ACOT7: variants seen among roughly 807,000 people sequenced by gnomAD.
ACOT7 encodes acyl-CoA thioesterase 7.
Under a neutral mutation model 40.2 loss-of-function variants are expected in ACOT7, and 12 were observed. The ratio of observed to expected loss-of-function variants is 0.30; its 90% confidence interval spans 0.19 to 0.48. The LOEUF is 0.48. Among genes scored for constraint, ACOT7 ranks in the 20% least tolerant of loss-of-function variants. The pLI is 0.99. For synonymous variants in ACOT7, 228 were observed against 219.5 expected (o/e 1.04, Z -0.34); for missense variants, 395 against 530.8 (o/e 0.74, Z 2.51).
At chr1:6,324,156 C>G (rs1047498524) in intron 5 of ACOT7, among the ~76,000 whole-genome samples, 3 of 151,972 alleles carry the variant, frequency 2.0e-5, no homozygotes, top group East Asian at 1.9e-4. Flanking sequence ...ATGAGCCCAC[C>G]CCTGGGCTCC....
chr1:6,353,780 C>T (rs1233297496), intron 1 of ACOT7, among the ~76,000 whole-genome samples: 1 of 152,232 alleles, frequency 6.6e-6, no homozygotes, highest in African/African-American at 2.4e-5. Flanking sequence ...ACTGCTGAGT[C>T]TGACATGTTA....
intron 2 of ACOT7, among the ~76,000 whole-genome samples, chr1:6,347,065 C>A (rs1180979458): frequency 1.3e-5 from 2 of 152,114 alleles, no homozygotes; most frequent in African/African-American, 2.4e-5. Context: ...AGAGACAGAA[C>A]CTTGGGACTT....
intron 1 of ACOT7, among the ~76,000 whole-genome samples, chr1:6,381,160 AG>A (rs1476925497): frequency 6.6e-6 from 1 of 151,906 alleles, no homozygotes; most frequent in African/African-American, 2.4e-5. Context: ...AAACACCAAA[AG>A]CTATAGTCTT....
intron 2 of ACOT7, among the ~76,000 whole-genome samples, chr1:6,340,052 G>A (rs928776240): frequency 2.0e-5 from 3 of 151,074 alleles, no homozygotes; most frequent in African/African-American, 2.5e-5. Flanking sequence ...TGCAAGCGCC[G>A]CCTCCCAGAT....
At chr1:6,331,635 G>A (rs935223783) in intron 4 of ACOT7, among the ~76,000 whole-genome samples, 1 of 152,170 alleles carries the variant, frequency 6.6e-6, no homozygotes, top group African/African-American at 2.4e-5. Flanking sequence ...CTGAGCCCCC[G>A]CCCACTGGCC....
chr1:6,285,207 CCA>C (rs1238694188), intron 7 of ACOT7, among the ~76,000 whole-genome samples: 2 of 152,194 alleles, frequency 1.3e-5, no homozygotes, highest in Non-Finnish European at 2.9e-5. Flanking sequence ...CACCAGGTCA[CCA>C]CAGACTCAAG....
chr1:6,281,047 G>T, intron 8 of ACOT7, 55 bp downstream of exon 8: 2 of 1,577,756 alleles, frequency 1.3e-6, no homozygotes, highest in South Asian at 2.3e-5. Context: ...CCAAACACAG[G>T]GACCCTAGGG....
intron 1 of ACOT7, among the ~76,000 whole-genome samples, chr1:6,389,633 A>C (rs990617888): frequency 3.3e-5 from 5 of 151,950 alleles, no homozygotes; most frequent in African/African-American, 1.2e-4. Context: ...AATACAAAAA[A>C]ATTAGCTGGG....
At chr1:6,348,739 A>T (rs1280374174) in intron 2 of ACOT7, among the ~76,000 whole-genome samples, 2 of 152,230 alleles carry the variant, frequency 1.3e-5, no homozygotes, top group African/African-American at 4.8e-5. Flanking sequence ...TTCACAAGCC[A>T]GCAGGCTGTG....
At chr1:6,325,704 C>T (rs184022917) in intron 5 of ACOT7, among the ~76,000 whole-genome samples, 69 of 152,104 alleles carry the variant, frequency 4.5e-4, no homozygotes, top group African/African-American at 1.6e-3. Flanking sequence ...CAAGTTGACC[C>T]GCCCAGAAAA....
At position 6,306,344 on chromosome 1, in the gene ACOT7, C is replaced by G; in HGVS notation, c.713-11364G>C. On this transcript the variant is annotated intron_variant, in intron 6 of 8. Coordinates refer to ENST00000361521, the MANE Select transcript of ACOT7 (RefSeq NM_007274.4). The surrounding 1 kb of genome is among the most constrained non-coding windows in gnomAD (Gnocchi z 4.3). The stretch of plus-strand genomic sequence containing the variant: ...GATGACGTGCTGGCCACCAGGGACC[C>G]GGCTGAGAGGAGGACCCAGTGTGGG... 1.0e-6 allele frequency: 1 copy of G among 985,322 alleles called. No individual in the cohort carries two copies. The highest frequency in any genetic ancestry group is 1.2e-6 in the Non-Finnish European group (1 of 829,904). 61.0% of individuals were successfully genotyped at this position (985,322 alleles called of 1,614,324 possible).
intron 8 of ACOT7, among the ~76,000 whole-genome samples, chr1:6,273,553 G>T (rs1395636045): frequency 6.6e-6 from 1 of 152,212 alleles, no homozygotes; most frequent in Non-Finnish European, 1.5e-5. Context: ...GGGCAGGAGG[G>T]GGGCAGGGCT....
intron 8 of ACOT7, among the ~76,000 whole-genome samples, chr1:6,270,717 C>T (rs1377790728): frequency 6.6e-6 from 1 of 152,156 alleles, no homozygotes; most frequent in African/African-American, 2.4e-5. Flanking sequence ...TGAGCTCCTA[C>T]GTGTGTGTGC....
Position 6,282,940 on chromosome 1 carries a change from T to G in ACOT7, c.830-1654A>C, listed in dbSNP as rs1639397331. On this transcript the variant is annotated intron_variant, in intron 7 of 8. Transcript: ENST00000361521. The surrounding 1 kb of genome is among the most constrained non-coding windows in gnomAD (Gnocchi z 4.5). ...AGGGTCTCCCAGCATCTCTGCCTCCTTCCTCACAATGCCCAGCCCACATCC... is the reference window on the plus strand; with the variant it reads ...AGGGTCTCCCAGCATCTCTGCCTCCGTCCTCACAATGCCCAGCCCACATCC... 17 of 493,896 alleles carry G rather than the reference T, an allele frequency of 3.4e-5. No individual in the cohort carries two copies. Among genetic ancestry groups the G allele is most frequent in the South Asian group, 2.5e-4 (16 of 64,996 alleles). 30.6% of individuals were successfully genotyped at this position (493,896 alleles called of 1,614,324 possible).
intron 6 of ACOT7, 154 bp from the exon 7 acceptor site, chr1:6,295,134 T>C: frequency 1.8e-6 from 1 of 551,980 alleles, no homozygotes. Context: ...CCGCACGTGC[T>C]GTGGCTCACG....
rs1639158846 is a variant in ACOT7, at chr1:6,275,379, CCT to C, written c.1014+5721_1014+5722del. On this transcript the variant is annotated intron_variant, in intron 8 of 8. Transcript: ENST00000361521. The surrounding 1 kb of genome is among the most constrained non-coding windows in gnomAD (Gnocchi z 5.6). Reference sequence around the variant, plus strand: ...ACAAAGCTCAACAGGGTGCGTTTTCCCTGAGTTCTTGGAACTCCCCTGGCTAT... The same window carrying C: ...ACAAAGCTCAACAGGGTGCGTTTTCCGAGTTCTTGGAACTCCCCTGGCTAT... Among the ~76,000 whole-genome samples, 1 of 152,134 alleles carries C rather than the reference CCT, an allele frequency of 6.6e-6. No individual in the cohort carries two copies. The highest frequency in any genetic ancestry group is 1.5e-5 in the Non-Finnish European group (1 of 68,036).
intron 1 of ACOT7, among the ~76,000 whole-genome samples, chr1:6,373,483 T>G (rs1642171370): frequency 6.6e-6 from 1 of 151,922 alleles, no homozygotes; most frequent in African/African-American, 2.4e-5. Context: ...ACTCCTGACC[T>G]CAGGTGATCC....
rs915559186 is a variant in ACOT7 at position 6,355,418 on chromosome 1, C to T, written c.144-5552G>A. Among the ~76,000 whole-genome samples the T allele has an allele frequency of 3.9e-5, 6 of 152,210 alleles. No homozygotes were observed. The highest frequency in any genetic ancestry group is 7.3e-5 in the Non-Finnish European group (5 of 68,040). On this transcript the variant is annotated intron_variant, in intron 1 of 8. Transcript: ENST00000361521. The surrounding 1 kb of genome is among the most constrained non-coding windows in gnomAD (Gnocchi z 5.0). ...TGTCCACATAAGGACATAAAAGCAA[C>T]AGCCACACATTGGAATATTGCTCAG...
rs975775277 is a variant in ACOT7 at position 6,288,227 on chromosome 1, G to A, written c.829+6637C>T. On this transcript the variant is annotated intron_variant, in intron 7 of 8. Transcript: ENST00000361521. This position sits in a 1 kb window ranked among gnomAD's most constrained non-coding sequence, Gnocchi z 4.3. ...CCCTGGGTGCGGGCTCCAGCCTGTCGTGGCCCTCGCGTCCCCAGCACCAAC... is the reference window on the plus strand; with the variant it reads ...CCCTGGGTGCGGGCTCCAGCCTGTCATGGCCCTCGCGTCCCCAGCACCAAC... 2.0e-5 allele frequency among the ~76,000 whole-genome samples: 3 copies of A among 152,344 alleles called. No homozygotes were observed. The highest frequency in any genetic ancestry group is 1.9e-4 in the East Asian group (1 of 5,188).
Sources: allele counts gnomAD v4.1 joint callset (sites outside exome capture counted in the v4.1 genomes callset), GRCh38; gene constraint gnomAD v4.1.1; non-coding constraint Gnocchi (gnomAD v3.1); transcripts MANE v1.5; gene names NCBI Gene and HGNC (gene_info 2026-07-23, HGNC 2026-07-21).